DLG2: variants seen among roughly 807,000 people sequenced by gnomAD.
The protein encoded by DLG2 is discs large MAGUK scaffold protein 2.
A neutral mutation model predicts 132.5 loss-of-function variants in DLG2; 45 were observed. That is an observed-to-expected ratio of 0.34 (90% CI 0.27 to 0.44). The LOEUF is 0.44. Ranked by LOEUF, DLG2 falls within the 20% of genes least tolerant of loss-of-function variation. The pLI, the probability that DLG2 is intolerant of heterozygous loss-of-function variation, is 1.00. For synonymous variants in DLG2, 424 were observed against 419.6 expected (o/e 1.01, Z -0.13); for missense variants, 1,045 against 1,196.9 (o/e 0.87, Z 1.87).
chr11:85,627,885 G>C (rs1290048896), upstream of DLG2: 2 of 152,416 alleles, frequency 1.3e-5, no homozygotes, highest in African/African-American at 4.8e-5. Context: ...GAGACTGGAG[G>C]GTCGGGGGTT....
intron 6 of DLG2, among the ~76,000 whole-genome samples, chr11:84,681,243 C>T (rs1206176514): frequency 6.6e-6 from 1 of 152,204 alleles, no homozygotes. Flanking sequence ...CACAATCCTT[C>T]CTTCCCCTGA....
At chr11:83,467,321 C>G (rs1485567960) in intron 25 of DLG2, among the ~76,000 whole-genome samples, 1 of 152,164 alleles carries the variant, frequency 6.6e-6, no homozygotes, top group Non-Finnish European at 1.5e-5. Context: ...AAAAAATAGA[C>G]ACCTCATTGT....
intron 7 of DLG2, among the ~76,000 whole-genome samples, chr11:84,427,107 C>G (rs180876042): frequency 4.6e-5 from 7 of 152,008 alleles, no homozygotes; most frequent in Non-Finnish European, 8.8e-5. Context: ...AAAGTTCATT[C>G]GGAAGCCCAG....
At chr11:84,232,277 TTTTG>T (rs1193486035) in intron 8 of DLG2, among the ~76,000 whole-genome samples, 1 of 152,120 alleles carries the variant, frequency 6.6e-6, no homozygotes, top group Non-Finnish European at 1.5e-5. Flanking sequence ...ATAGCTTCCT[TTTTG>T]TTTGTTACCT....
chr11:84,137,562 G>T (rs1385113214), intron 9 of DLG2, among the ~76,000 whole-genome samples: 1 of 152,026 alleles, frequency 6.6e-6, no homozygotes, highest in Non-Finnish European at 1.5e-5. Context: ...TGTTCTCAAG[G>T]TTATTATCAA....
chr11:85,526,794 C>T (rs1377212162), intron 3 of DLG2, among the ~76,000 whole-genome samples: 2 of 152,040 alleles, frequency 1.3e-5, no homozygotes, highest in Non-Finnish European at 2.9e-5. Flanking sequence ...CTTTTTGTTA[C>T]CTAGAGACCT....
chr11:84,158,257 G>T (rs975128977), intron 9 of DLG2, among the ~76,000 whole-genome samples: 1 of 152,034 alleles, frequency 6.6e-6, no homozygotes, highest in Non-Finnish European at 1.5e-5. Flanking sequence ...TAGAGATGGG[G>T]TTTCACCGTG....
intron 4 of DLG2, among the ~76,000 whole-genome samples, chr11:85,200,231 T>G (rs1298531400): frequency 6.6e-6 from 1 of 152,160 alleles, no homozygotes; most frequent in Non-Finnish European, 1.5e-5. Flanking sequence ...GCCAAAGAGC[T>G]TAGCTATAGC....
chr11:85,209,467 T>TTTTTTTA (rs869176791), intron 4 of DLG2, among the ~76,000 whole-genome samples: 2 of 146,048 alleles, frequency 1.4e-5, no homozygotes, highest in South Asian at 2.2e-4. Context: ...TTTTTTTTTT[T>TTTTTTTA]GAGACAGAGA....
intron 15 of DLG2, among the ~76,000 whole-genome samples, chr11:83,907,146 A>G (rs2075153266): frequency 1.3e-5 from 2 of 152,144 alleles, no homozygotes; most frequent in Admixed American, 6.6e-5. Flanking sequence ...CAGCTTGAGA[A>G]AGAAGAAATG....
At chr11:83,940,902 C>T (rs191460116) in intron 14 of DLG2, among the ~76,000 whole-genome samples, 17 of 152,268 alleles carry the variant, frequency 1.1e-4, no homozygotes, top group Admixed American at 3.3e-4. Context: ...AGAAGACAAT[C>T]AGTAAATGTT....
chr11:83,480,647 T>TATC (rs747542667), intron 22 of DLG2: 5 of 1,551,052 alleles, frequency 3.2e-6, no homozygotes, highest in Admixed American at 3.9e-5. Context: ...ATGAAGAAAG[T>TATC]ATCTTTAATT....
intron 21 of DLG2, among the ~76,000 whole-genome samples, chr11:83,518,141 G>A (rs917246619): frequency 1.3e-5 from 2 of 152,238 alleles, no homozygotes; most frequent in African/African-American, 4.8e-5. Flanking sequence ...GAGGCAGGCA[G>A]GCCTCCTTGA....
intron 3 of DLG2, among the ~76,000 whole-genome samples, chr11:85,461,779 A>G (rs1565524406): frequency 6.6e-6 from 1 of 152,210 alleles, no homozygotes; most frequent in Non-Finnish European, 1.5e-5. Context: ...AAGTAATGGC[A>G]ACAAAAGCCA....
chr11:84,076,474 T>C (rs1461716959), intron 10 of DLG2, among the ~76,000 whole-genome samples: 13 of 152,158 alleles, frequency 8.5e-5, no homozygotes, highest in Non-Finnish European at 1.6e-4. Context: ...CATTTTCAAG[T>C]GAAAAAAACC....
At chr11:84,591,109 G>C (rs576191172) in intron 6 of DLG2, among the ~76,000 whole-genome samples, 1 of 151,966 alleles carries the variant, frequency 6.6e-6, no homozygotes, top group African/African-American at 2.4e-5. Flanking sequence ...TAGCTCTGAT[G>C]TATTGCTGCA....
intron 9 of DLG2, among the ~76,000 whole-genome samples, chr11:84,111,413 C>T (rs2093344762): frequency 6.6e-6 from 1 of 152,192 alleles, no homozygotes. Context: ...CACACTGTGT[C>T]TCTCTTTCTC....
At chr11:84,261,464 A>C (rs1168463330) in intron 7 of DLG2, among the ~76,000 whole-genome samples, 1 of 152,166 alleles carries the variant, frequency 6.6e-6, no homozygotes, top group Non-Finnish European at 1.5e-5. Context: ...CCAGGACTCA[A>C]TCTATACATC....
At chr11:83,472,705 G>C (rs778546544) in intron 23 of DLG2, 22 bp downstream of exon 23, 2 of 1,608,518 alleles carry the variant, frequency 1.2e-6, no homozygotes, top group East Asian at 4.5e-5. Flanking sequence ...AATTAGGAAT[G>C]AAAGCGTGCT....
Sources: gnomAD v4.1 joint callset for allele counts (sites outside exome capture counted in the v4.1 genomes callset) on GRCh38, gnomAD v4.1.1 for gene constraint, MANE v1.5 for transcripts, NCBI Gene and HGNC (gene_info 2026-07-23, HGNC 2026-07-21) for gene names.